CAMSAP1: variants seen among roughly 807,000 people sequenced by gnomAD.
The protein encoded by CAMSAP1 is calmodulin-regulated spectrin-associated protein 1.
A neutral mutation model predicts 143.5 loss-of-function variants in CAMSAP1; 58 were observed. The ratio of observed to expected loss-of-function variants is 0.40; its 90% confidence interval spans 0.33 to 0.50. The LOEUF (loss-of-function observed/expected upper bound fraction) is 0.50, where lower values mean the gene tolerates loss of function less well. CAMSAP1 is among the 20% of genes least tolerant of loss of function. CAMSAP1 has a pLI of 0.45. For synonymous variants in CAMSAP1, 945 were observed against 859.3 expected (o/e 1.10, Z -1.74); for missense variants, 1,969 against 2,115.7 (o/e 0.93, Z 1.36).
intron 7 of CAMSAP1, among the ~76,000 whole-genome samples, chr9:135,842,238 G>A (rs1300670684): frequency 6.6e-6 from 1 of 152,178 alleles, no homozygotes; most frequent in Non-Finnish European, 1.5e-5. Flanking sequence ...TCAAGTGGAA[G>A]AAAGGATATC....
intron 5 of CAMSAP1, 40 bp downstream of exon 5, chr9:135,862,427 G>T: frequency 1.3e-6 from 2 of 1,540,008 alleles, no homozygotes; most frequent in Middle Eastern, 1.7e-4. Flanking sequence ...TTTCCTTTAA[G>T]CCTTTTCGGA....
At chr9:135,895,078 G>A (rs1838401494) in intron 1 of CAMSAP1, among the ~76,000 whole-genome samples, 2 of 152,144 alleles carry the variant, frequency 1.3e-5, no homozygotes, top group African/African-American at 2.4e-5. Context: ...AAACTGCAAT[G>A]GAGAAAAGAA....
Position 135,811,960 on chromosome 9 carries a change from G to A in CAMSAP1, c.4507-349C>T, listed in dbSNP as rs760335677. Among the ~76,000 whole-genome samples the A allele has an allele frequency of 8.5e-5, 13 of 152,190 alleles. No individual in the cohort carries two copies. Among genetic ancestry groups the A allele is most frequent in the South Asian group, 2.1e-4 (1 of 4,830 alleles). Reference sequence around the variant, plus strand: ...GACGGCTGGAACCCAGAAGCAGGGCGGTAACGAGTGCTGGCGAGCCATGGG... The same window carrying A: ...GACGGCTGGAACCCAGAAGCAGGGCAGTAACGAGTGCTGGCGAGCCATGGG... On this transcript the variant is annotated intron_variant, in intron 16 of 16. Coordinates refer to ENST00000389532, the MANE Select transcript of CAMSAP1 (RefSeq NM_015447.4). This position sits in a 1 kb window ranked among gnomAD's most constrained non-coding sequence, Gnocchi z 4.9.
At chr9:135,838,413 G>T (rs557101338) in intron 7 of CAMSAP1, among the ~76,000 whole-genome samples, 1 of 125,748 alleles carries the variant, frequency 8.0e-6, no homozygotes, top group Non-Finnish European at 1.6e-5. Flanking sequence ...ACATCATCAC[G>T]CACTTTCCAC....
chr9:135,817,666 T>A, intron 14 of CAMSAP1: 1 of 271,340 alleles, frequency 3.7e-6, no homozygotes, highest in South Asian at 4.5e-5. Flanking sequence ...CCCAAAGTCC[T>A]GGAATCATGG....
chr9:135,880,942 A>AG (rs1261361013), intron 3 of CAMSAP1, among the ~76,000 whole-genome samples: 1 of 152,226 alleles, frequency 6.6e-6, no homozygotes, highest in African/African-American at 2.4e-5. Flanking sequence ...AGGAGAAAAC[A>AG]GCATTTGGGA....
chr9:135,878,337 T>C (rs770423146), intron 3 of CAMSAP1, among the ~76,000 whole-genome samples: 23 of 151,990 alleles, frequency 1.5e-4, no homozygotes, highest in Admixed American at 4.6e-4. Flanking sequence ...ACTCAGAACA[T>C]GGCCATTCCC....
intron 5 of CAMSAP1, 86 bp from the exon 6 acceptor site, chr9:135,850,547 T>C (rs1836738695): frequency 9.4e-7 from 1 of 1,062,192 alleles, no homozygotes; most frequent in Non-Finnish European, 1.3e-6. Context: ...AAAACCATTT[T>C]ACATAAAGGT....
rs540818402 is a variant in CAMSAP1, at chr9:135,871,562, T to C, written c.586-5026A>G. On this transcript the variant is annotated intron_variant, in intron 3 of 16. Coordinates refer to ENST00000389532, the MANE Select transcript of CAMSAP1 (RefSeq NM_015447.4). ...TTAACATGAAATCAACTTACTGTTA[T>C]TTTTAAATAAATATTTTTAAACTTT... Among the ~76,000 whole-genome samples the C allele has an allele frequency of 2.6e-5, 4 of 152,334 alleles. No individual in the cohort carries two copies. In the South Asian group the frequency reaches 8.3e-4, roughly 32 times the overall value.
At position 135,819,126 on chromosome 9, in the gene CAMSAP1, A is replaced by G. The variant is rs950998246; in HGVS notation, c.3843T>C (p.Asp1281=). ...FFFKDEQKAE[D]ELAKKRAAFL... The stretch of plus-strand genomic sequence containing the variant: ...AGGCCGCCCGCTTCTTGGCGAGCTC[A>G]TCTTCCGCTTTCTGTTCATCCTGCA... The change falls in exon 12 of 17, where the codon GAT becomes GAC. Residue 1281 remains aspartate (D), a synonymous_variant. Transcript: ENST00000389532. 1.9e-6 allele frequency: 3 copies of G among 1,602,112 alleles called. No individual in the cohort carries two copies. Among genetic ancestry groups the G allele is most frequent in the African/African-American group, 1.3e-5 (1 of 74,588 alleles).
At chr9:135,851,114 A>G (rs1250771620) in intron 5 of CAMSAP1, among the ~76,000 whole-genome samples, 2 of 152,220 alleles carry the variant, frequency 1.3e-5, no homozygotes, top group African/African-American at 4.8e-5. Context: ...GCCTCCCCCT[A>G]GTCTAGGCAC....
intron 5 of CAMSAP1, among the ~76,000 whole-genome samples, chr9:135,854,422 C>A (rs958236448): frequency 4.6e-5 from 7 of 151,844 alleles, no homozygotes; most frequent in African/African-American, 1.7e-4. Context: ...TTCTCTAGAA[C>A]TTTGGAATTT....
chr9:135,866,608 C>A, intron 3 of CAMSAP1, 72 bp from the exon 4 acceptor site: 2 of 747,676 alleles, frequency 2.7e-6, no homozygotes, highest in South Asian at 1.5e-5. Context: ...AATTATCCCC[C>A]AGAGACCCCC....
At position 135,883,045 on chromosome 9, in the gene CAMSAP1, T is replaced by C. The variant is rs373893921; in HGVS notation, c.194A>G (p.Tyr65Cys). ...NIPEDLRDPF[Y>C]VDQYEQEHIK... ...GTGCTCCTGCTCATACTGGTCAACG[T>C]AGAAAGGGTCTCTGAGGTCCTCAGG... is the stretch of plus-strand genomic sequence containing the variant. The change falls in exon 2 of 17, where the codon TAC becomes TGC. Residue 65 changes from tyrosine (Y) to cysteine (C), a missense_variant. By Grantham distance (194) the Tyr-to-Cys change is radical. This residue lies in a region of CAMSAP1 where 215 missense variants were observed against 196.2 expected (regional missense o/e 1.10). Transcript: ENST00000389532. 1 of 1,551,402 alleles carries C rather than the reference T, an allele frequency of 6.4e-7. No individual in the cohort carries two copies. Among genetic ancestry groups the C allele is most frequent in the Non-Finnish European group, 8.7e-7 (1 of 1,146,942 alleles).
At position 135,850,297 on chromosome 9, in the gene CAMSAP1, T is replaced by C. The variant is rs374506167; in HGVS notation, c.948+25A>G. On this transcript the variant is annotated intron_variant, in intron 6 of 16. Coordinates refer to ENST00000389532, the MANE Select transcript of CAMSAP1 (RefSeq NM_015447.4). ...GTTTATTCACACATGGTTTTAAAAC[T>C]GCATGCCAAATAATTCGTTATTACC... 5.0e-6 allele frequency: 8 copies of C among 1,610,964 alleles called. No homozygotes were observed. In the African/African-American group the frequency reaches 1.1e-4, roughly 22 times the overall value.
At chr9:135,851,931 G>C (rs948015167) in intron 5 of CAMSAP1, among the ~76,000 whole-genome samples, 1 of 152,190 alleles carries the variant, frequency 6.6e-6, no homozygotes, top group African/African-American at 2.4e-5. Flanking sequence ...ACGCCCTCCT[G>C]TGTCACCTGG....
intron 7 of CAMSAP1, among the ~76,000 whole-genome samples, chr9:135,845,311 TCAA>T (rs1257868458): frequency 6.6e-6 from 1 of 152,176 alleles, no homozygotes; most frequent in Non-Finnish European, 1.5e-5. Context: ...TCGATAAAAT[TCAA>T]CACCCCTTCA....
Position 135,808,571 on chromosome 9 carries a change from C to T in CAMSAP1, c.*2738G>A, listed in dbSNP as rs577667877. ...AATTTCAGGGAGGTAAAAGTATAACCTAGAAGTAATTTAGAATTATTCCAC... is the reference window on the plus strand; with the variant it reads ...AATTTCAGGGAGGTAAAAGTATAACTTAGAAGTAATTTAGAATTATTCCAC... On this transcript the variant is annotated 3_prime_UTR_variant, in exon 17 of 17. Transcript: ENST00000389532. The T allele has an allele frequency of 6.6e-6, 1 of 152,294 alleles. No homozygotes were observed. The highest frequency in any genetic ancestry group is 2.4e-5 in the African/African-American group (1 of 41,560). The allele number at this position is 152,294 out of a possible 1,614,324, so 9.4% of individuals were successfully genotyped here.
At chr9:135,883,782 A>G (rs1838034169) in intron 1 of CAMSAP1, among the ~76,000 whole-genome samples, 1 of 152,226 alleles carries the variant, frequency 6.6e-6, no homozygotes, top group Non-Finnish European at 1.5e-5. Flanking sequence ...CCATCTGCAC[A>G]TTACAAATGA....
Sources: allele counts gnomAD v4.1 joint callset (sites outside exome capture counted in the v4.1 genomes callset), GRCh38; gene constraint gnomAD v4.1.1; regional missense constraint gnomAD v4.1.1; non-coding constraint Gnocchi (gnomAD v3.1); transcripts MANE v1.5; gene names NCBI Gene and HGNC (gene_info 2026-07-23, HGNC 2026-07-21).